The following SEZ6L variants were observed in gnomAD, a reference collection of about 807,000 sequenced individuals.
The protein encoded by SEZ6L is seizure related 6 homolog like.
SEZ6L carries 37 observed loss-of-function variants against 106.2 expected under a neutral mutation model. That is an observed-to-expected ratio of 0.35 (90% CI 0.27 to 0.46). SEZ6L has a LOEUF of 0.46. Among genes scored for constraint, SEZ6L ranks in the 20% least tolerant of loss-of-function variants. The probability of loss-of-function intolerance (pLI) is 1.00; values close to 1 mark genes in which losing one functional copy is unlikely to be tolerated. For missense variants in SEZ6L, 1,172 were observed against 1,332.8 expected, an observed-to-expected ratio of 0.88 and a Z score of 1.88; for synonymous variants, 541 against 570.4, an observed-to-expected ratio of 0.95 and a Z score of 0.73.
intron 9 of SEZ6L, among the ~76,000 whole-genome samples, chr22:26,340,079 A>G (rs1481620699): frequency 1.3e-5 from 2 of 151,944 alleles, no homozygotes; most frequent in Non-Finnish European, 2.9e-5. Flanking sequence ...TACTAAATAC[A>G]AAAAAAATTA....
intron 1 of SEZ6L, among the ~76,000 whole-genome samples, chr22:26,185,097 A>G (rs1443496890): frequency 6.6e-6 from 1 of 152,224 alleles, no homozygotes. Flanking sequence ...AAAACAAAAC[A>G]AAACAAATCT....
chr22:26,276,939 G>C (rs1366720364), intron 1 of SEZ6L, among the ~76,000 whole-genome samples: 1 of 152,204 alleles, frequency 6.6e-6, no homozygotes. Flanking sequence ...GAGGAAGATG[G>C]ATGCAGGGCC....
At chr22:26,342,211 G>C (rs539540748) in intron 10 of SEZ6L, among the ~76,000 whole-genome samples, 1 of 152,134 alleles carries the variant, frequency 6.6e-6, no homozygotes, top group African/African-American at 2.4e-5. Context: ...GGCAGGATTC[G>C]GCCAGTGATT....
At chr22:26,265,236 G>A (rs1256442119) in intron 1 of SEZ6L, among the ~76,000 whole-genome samples, 1 of 152,160 alleles carries the variant, frequency 6.6e-6, no homozygotes. Flanking sequence ...CACCTCCCTT[G>A]TCAACCTGAA....
At chr22:26,320,502 G>A (rs995358552) in intron 9 of SEZ6L, among the ~76,000 whole-genome samples, 10 of 152,206 alleles carry the variant, frequency 6.6e-5, no homozygotes, top group Non-Finnish European at 1.5e-4. Flanking sequence ...GGACATGTGA[G>A]GACTGTCATT....
chr22:26,351,610 C>T (rs2146024032), intron 12 of SEZ6L, among the ~76,000 whole-genome samples: 1 of 152,106 alleles, frequency 6.6e-6, no homozygotes, highest in Admixed American at 6.5e-5. Context: ...GCAGTGGCAC[C>T]ATCTTGGCTC....
chr22:26,243,072 T>C (rs532077073), intron 1 of SEZ6L, among the ~76,000 whole-genome samples: 14 of 152,306 alleles, frequency 9.2e-5, no homozygotes, highest in African/African-American at 3.4e-4. Context: ...CATATGACCT[T>C]TTCTTTGTCT....
Position 26,278,986 on chromosome 22 carries a change from GAGGA to G in SEZ6L, c.95-13400_95-13397del, listed in dbSNP as rs71322608. Among the ~76,000 whole-genome samples the G allele has an allele frequency of 3.4e-3, 148 of 43,936 alleles. 2 individuals are homozygous for G. Among genetic ancestry groups the G allele is most frequent in the Middle Eastern group, 0.026 (2 of 78 alleles). 28.8% of individuals were successfully genotyped at this position (43,936 alleles called of 152,430 possible). A position where few individuals can be genotyped will look rare whatever the true frequency, so the allele number is the denominator to read the frequency against. ...GGAGAGAGGAAGGGAGGGAGGGAGGGAGGAAGGAAGGAAGGAAGGAAGGGAAGGA... is the reference window on the plus strand; with the variant it reads ...GGAGAGAGGAAGGGAGGGAGGGAGGGAGGAAGGAAGGAAGGAAGGGAAGGA... On this transcript the variant is annotated intron_variant, in intron 1 of 16. Transcript: ENST00000248933.
At chr22:26,313,405 G>A (rs536511622) in intron 8 of SEZ6L, among the ~76,000 whole-genome samples, 9 of 152,198 alleles carry the variant, frequency 5.9e-5, no homozygotes, top group East Asian at 5.8e-4. Context: ...TTGAGTGGGC[G>A]GTCTCTTAGC....
At chr22:26,340,267 A>G (rs991363215) in intron 9 of SEZ6L, among the ~76,000 whole-genome samples, 169 bp from the exon 10 acceptor site, 2 of 152,094 alleles carry the variant, frequency 1.3e-5, no homozygotes, top group African/African-American at 4.8e-5. Flanking sequence ...TTTGTGTCAC[A>G]TTTGCAGTCT....
chr22:26,315,266 G>A (rs2081965543), intron 9 of SEZ6L, among the ~76,000 whole-genome samples: 1 of 152,136 alleles, frequency 6.6e-6, no homozygotes, highest in South Asian at 2.1e-4. Context: ...GATTGCTTGA[G>A]ACCAGGAGTT....
At chr22:26,363,103 C>T (rs4822711) in intron 12 of SEZ6L, among the ~76,000 whole-genome samples, 106,272 of 152,218 alleles carry the variant, frequency 0.7, 37,518 homozygotes, top group East Asian at 0.96. Context: ...AGCCATTACT[C>T]AACTCCAGCC....
chr22:26,324,102 AAACACAC>A (rs2082237415), intron 9 of SEZ6L, among the ~76,000 whole-genome samples: 1 of 141,036 alleles, frequency 7.1e-6, no homozygotes, highest in African/African-American at 2.6e-5. Context: ...ACACACACAC[AAACACAC>A]ACACACACAC....
Position 26,210,112 on chromosome 22 carries a change from G to A in SEZ6L, c.94+40349G>A, listed in dbSNP as rs78424761. Among the ~76,000 whole-genome samples the A allele has an allele frequency of 9.3e-3, 1,409 of 152,284 alleles. 12 individuals carry two copies. The highest frequency in any genetic ancestry group is 0.015 in the Non-Finnish European group (1,027 of 68,026). ...GTGAACCAAGGTGAGGAATTGGGAG[G>A]ATGACACTTAGTCCAACCACCTGGG... On this transcript the variant is annotated intron_variant, in intron 1 of 16. Transcript: ENST00000248933.
intron 1 of SEZ6L, among the ~76,000 whole-genome samples, chr22:26,198,570 T>C (rs1940729906): frequency 6.6e-6 from 1 of 152,254 alleles, no homozygotes. Context: ...AATCTGCTTC[T>C]CACAGTTCTA....
At chr22:26,265,714 G>C (rs750048942) in intron 1 of SEZ6L, among the ~76,000 whole-genome samples, 2 of 152,180 alleles carry the variant, frequency 1.3e-5, no homozygotes, top group Non-Finnish European at 2.9e-5. Context: ...GGAACTCTGA[G>C]TTCTTCAAAT....
chr22:26,357,499 G>A (rs1015139789), intron 12 of SEZ6L, among the ~76,000 whole-genome samples: 3 of 152,122 alleles, frequency 2.0e-5, no homozygotes, highest in Admixed American at 6.5e-5. Context: ...TTCCTAGGCC[G>A]GGTTGTGTTT....
intron 1 of SEZ6L, among the ~76,000 whole-genome samples, chr22:26,172,940 G>T (rs1938724621): frequency 1.3e-5 from 2 of 152,228 alleles, no homozygotes; most frequent in Admixed American, 1.3e-4. Flanking sequence ...CTGTTCTGGG[G>T]AGTTTGACTG....
At chr22:26,341,009 G>A (rs1025714227) in intron 10 of SEZ6L, among the ~76,000 whole-genome samples, 1 of 152,114 alleles carries the variant, frequency 6.6e-6, no homozygotes, top group African/African-American at 2.4e-5. Flanking sequence ...TTCATTTGTG[G>A]TCAGCTGAGA....
Sources: gnomAD v4.1 joint callset for allele counts (sites outside exome capture counted in the v4.1 genomes callset) on GRCh38, gnomAD v4.1.1 for gene constraint, MANE v1.5 for transcripts, NCBI Gene and HGNC (gene_info 2026-07-23, HGNC 2026-07-21) for gene names.